Variants in PTPRS observed in about 807,000 individuals in gnomAD.
PTPRS encodes protein tyrosine phosphatase receptor type S, also known as receptor-type tyrosine-protein phosphatase S.
Under a neutral mutation model 215.3 loss-of-function variants are expected in PTPRS, and 63 were observed. The observed-to-expected ratio is 0.29, with a 90% CI of 0.24 to 0.36. PTPRS has a LOEUF of 0.36. PTPRS is among the 10% of genes least tolerant of loss of function. The pLI, the probability that PTPRS is intolerant of heterozygous loss-of-function variation, is 1.00. For synonymous variants in PTPRS, 1,404 were observed against 1,191.4 expected (o/e 1.18, Z -3.68); for missense variants, 2,258 against 2,825.8 (o/e 0.80, Z 4.56).
chr19:5,207,169 CTGTCTCCTGGGTTCA>C (rs2040435784), intron 37 of PTPRS, among the ~76,000 whole-genome samples: 1 of 152,244 alleles, frequency 6.6e-6, no homozygotes, highest in East Asian at 1.9e-4. Context: ...CCTGCAACCT[CTGTCTCCTGGGTTCA>C]AGTGATTCTC....
chr19:5,228,905 C>G (rs1287714916), intron 16 of PTPRS, among the ~76,000 whole-genome samples: 1 of 152,210 alleles, frequency 6.6e-6, no homozygotes, highest in African/African-American at 2.4e-5. Context: ...ATTTCTAGGC[C>G]AGACAGGGCT....
intron 1 of PTPRS, among the ~76,000 whole-genome samples, chr19:5,316,417 G>A (rs1288113737): frequency 1.3e-5 from 2 of 151,954 alleles, no homozygotes; most frequent in East Asian, 3.9e-4. Context: ...TTTTGAGACG[G>A]AGTCTCGCTC....
rs1402028741 is a variant in PTPRS, at chr19:5,206,624, T to C, written c.*150A>G. The C allele has an allele frequency of 6.2e-6, 4 of 647,366 alleles. No homozygotes were observed. Among genetic ancestry groups the C allele is most frequent in the Non-Finnish European group, 1.1e-5 (4 of 379,422 alleles). 40.1% of individuals were successfully genotyped at this position (647,366 alleles called of 1,614,324 possible). A position where few individuals can be genotyped will look rare whatever the true frequency, so the allele number is the denominator to read the frequency against. On this transcript the variant is annotated 3_prime_UTR_variant, in exon 38 of 38. Transcript: ENST00000262963. Reference sequence around the variant, plus strand: ...GGGCCGGTGGGGGGGCTCGAGGGGCTGCGTCGTCCTCGGAAATGGTGCAGA... The same window carrying C: ...GGGCCGGTGGGGGGGCTCGAGGGGCCGCGTCGTCCTCGGAAATGGTGCAGA...
Position 5,219,303 on chromosome 19 carries a change from G to A in PTPRS, c.3923+7C>T. The A allele has an allele frequency of 6.2e-7, 1 of 1,613,968 alleles. No homozygotes were observed. Among genetic ancestry groups the A allele is most frequent in the Non-Finnish European group, 8.5e-7 (1 of 1,179,988 alleles). ...TCAAGTCAAGTCGGGGAGGACATGGGGCTTACTTCTTGTAGAGCAGGATAG... is the reference window on the plus strand; with the variant it reads ...TCAAGTCAAGTCGGGGAGGACATGGAGCTTACTTCTTGTAGAGCAGGATAG... On this transcript the variant is annotated splice_region_variant and intron_variant, in intron 23 of 37. Coordinates refer to ENST00000262963, the MANE Select transcript of PTPRS (RefSeq NM_002850.4).
intron 9 of PTPRS, among the ~76,000 whole-genome samples, chr19:5,246,931 G>T (rs1019465752): frequency 2.6e-5 from 4 of 152,076 alleles, no homozygotes; most frequent in African/African-American, 7.2e-5. Flanking sequence ...GAGACAGAGA[G>T]AGAAAGGAGG....
chr19:5,307,599 A>C (rs1410805340), intron 1 of PTPRS, among the ~76,000 whole-genome samples: 1 of 152,180 alleles, frequency 6.6e-6, no homozygotes, highest in Admixed American at 6.5e-5. Context: ...CCAGCCGCCT[A>C]CTAAATGTTC....
chr19:5,260,745 A>G, intron 7 of PTPRS, 60 bp downstream of exon 7: 2 of 1,601,908 alleles, frequency 1.2e-6, no homozygotes, highest in Non-Finnish European at 1.7e-6. Context: ...GTGGAGCCTG[A>G]GGGGCTGAGT....
At chr19:5,292,874 G>C (rs1243666923) in intron 1 of PTPRS, 1 of 152,170 alleles carries the variant, frequency 6.6e-6, no homozygotes, top group Non-Finnish European at 1.5e-5. Context: ...GGAGGAGGTC[G>C]GGCTGGGGGC....
At chr19:5,310,248 G>T (rs2049651729) in intron 1 of PTPRS, among the ~76,000 whole-genome samples, 1 of 151,696 alleles carries the variant, frequency 6.6e-6, no homozygotes, top group Non-Finnish European at 1.5e-5. Flanking sequence ...CTTCTGTGAG[G>T]CCTGTCTTGA....
At position 5,206,739 on chromosome 19, in the gene PTPRS, G is replaced by C. The variant is rs1425535760; in HGVS notation, c.*35C>G. 5 of 1,598,994 alleles carry C rather than the reference G, an allele frequency of 3.1e-6. No homozygotes were observed. In the South Asian group the frequency reaches 4.4e-5, roughly 14 times the overall value. ...GCCCGGGAGGGGCAGAGGCATCCGG[G>C]GCCAGTGGTGTCGGGCCTGGGGGGA... On this transcript the variant is annotated 3_prime_UTR_variant, in exon 38 of 38. Coordinates refer to ENST00000262963, the MANE Select transcript of PTPRS (RefSeq NM_002850.4).
At chr19:5,322,554 T>C (rs1225752772) in intron 1 of PTPRS, among the ~76,000 whole-genome samples, 3 of 152,092 alleles carry the variant, frequency 2.0e-5, no homozygotes, top group Non-Finnish European at 4.4e-5. Context: ...GGAAGCCACC[T>C]GCTCCCCGCA....
chr19:5,313,825 A>G (rs72985123), intron 1 of PTPRS, among the ~76,000 whole-genome samples: 3,050 of 152,092 alleles, frequency 0.02, 39 homozygotes, highest in South Asian at 0.042. Flanking sequence ...CTGGGCACGC[A>G]GTGGCTCACA....
chr19:5,225,681 G>C (rs552957397), intron 17 of PTPRS, 46 bp downstream of exon 17: 3 of 1,507,920 alleles, frequency 2.0e-6, no homozygotes, highest in Non-Finnish European at 2.8e-6. Flanking sequence ...GGTGCCAGTG[G>C]GGGCAAAGGG....
Position 5,206,630 on chromosome 19 carries a change from G to C in PTPRS, c.*144C>G. 1.4e-6 allele frequency: 1 copy of C among 691,924 alleles called. No individual in the cohort carries two copies. The highest frequency in any genetic ancestry group is 1.8e-5 in the African/African-American group (1 of 54,870). 42.9% of individuals were successfully genotyped at this position (691,924 alleles called of 1,614,324 possible). On this transcript the variant is annotated 3_prime_UTR_variant, in exon 38 of 38. Transcript: ENST00000262963. ...GTGGGGGGGCTCGAGGGGCTGCGTC[G>C]TCCTCGGAAATGGTGCAGAAACACA... is the stretch of plus-strand genomic sequence containing the variant.
In PTPRS at chr19:5,293,236, C is replaced by T. The variant is rs923851813; in HGVS notation, c.-94-7002G>A. ...CCCTCGGTCCGCCCGGAGCGCGGCG[C>T]GCAGCGAAGACTCGGGAGAGGCCTC... On this transcript the variant is annotated intron_variant, in intron 1 of 37. Transcript: ENST00000262963. This position sits in a 1 kb window ranked among gnomAD's most constrained non-coding sequence, Gnocchi z 8.4. The T allele has an allele frequency of 4.0e-5, 6 of 151,046 alleles. No individual in the cohort carries two copies. The highest frequency in any genetic ancestry group is 1.5e-4 in the African/African-American group (6 of 41,068). 9.4% of individuals were successfully genotyped at this position (151,046 alleles called of 1,614,324 possible). A position where few individuals can be genotyped will look rare whatever the true frequency, so the allele number is the denominator to read the frequency against.
In PTPRS at chr19:5,287,666, TGCGGTCACCTC is replaced by T. The variant is rs2048456035; in HGVS notation, c.-94-1443_-94-1433del. ...GATTCTGACTCCCAAAATACCCAGC[TGCGGTCACCTC>T]GCCCAGCCCTGGGGCGGTCCCAGGG... On this transcript the variant is annotated intron_variant, in intron 1 of 37. Coordinates refer to ENST00000262963, the MANE Select transcript of PTPRS (RefSeq NM_002850.4). This position sits in a 1 kb window ranked among gnomAD's most constrained non-coding sequence, Gnocchi z 4.8. Among the ~76,000 whole-genome samples, 3 of 152,114 alleles carry T rather than the reference TGCGGTCACCTC, an allele frequency of 2.0e-5. No homozygotes were observed. Among genetic ancestry groups the T allele is most frequent in the Non-Finnish European group, 2.9e-5 (2 of 67,958 alleles).
Position 5,243,952 on chromosome 19 carries a change from C to T in PTPRS, c.1519G>A (p.Val507Ile), listed in dbSNP as rs761695523. 21 of 1,588,930 alleles carry T rather than the reference C, an allele frequency of 1.3e-5. No homozygotes were observed. Among genetic ancestry groups the T allele is most frequent in the South Asian group, 2.2e-5 (2 of 90,236 alleles). ...GGGTCCGAGAGGGGCCCGTCGCCGA[C>T]GGAGGTGAAGGCGAGCACCCGCACG... ...YTVRVLAFTSVGDGPLSDPIQ... is the reference protein window; with the variant it reads ...YTVRVLAFTSIGDGPLSDPIQ... The change falls in exon 11 of 38, where the codon GTC (valine) becomes ATC (isoleucine). Residue 507 changes from valine to isoleucine, a missense_variant. Coordinates refer to ENST00000262963, the MANE Select transcript of PTPRS (RefSeq NM_002850.4).
At chr19:5,302,753 C>T (rs2049341220) in intron 1 of PTPRS, among the ~76,000 whole-genome samples, 1 of 152,112 alleles carries the variant, frequency 6.6e-6, no homozygotes, top group Non-Finnish European at 1.5e-5. Context: ...GGGGTACGTT[C>T]CTGACTTCAA....
chr19:5,221,312 C>G, intron 19 of PTPRS, 59 bp from the exon 20 acceptor site: 1 of 1,556,396 alleles, frequency 6.4e-7, no homozygotes, highest in Non-Finnish European at 8.7e-7. Flanking sequence ...GACTGAGCCC[C>G]AGCTCCAGGA....
Sources: allele counts gnomAD v4.1 joint callset (sites outside exome capture counted in the v4.1 genomes callset), GRCh38; gene constraint gnomAD v4.1.1; non-coding constraint Gnocchi (gnomAD v3.1); transcripts MANE v1.5; gene names NCBI Gene and HGNC (gene_info 2026-07-23, HGNC 2026-07-21).